PPP1R7: variants seen among roughly 807,000 people sequenced by gnomAD.
The protein encoded by PPP1R7 is protein phosphatase 1 regulatory subunit 22.
In PPP1R7, 18 loss-of-function variants were observed where a neutral mutation model predicts 45.2. The ratio of observed to expected loss-of-function variants is 0.40; its 90% CI spans 0.28 to 0.59. The LOEUF (loss-of-function observed/expected upper bound fraction) is 0.59. PPP1R7 is among the 20% of genes least tolerant of loss of function. The pLI is 0.46. For missense variants in PPP1R7, 314 were observed against 455.8 expected (o/e 0.69, Z 2.83); for synonymous variants, 181 against 183.4 (o/e 0.99, Z 0.11).
rs1349171830 is a variant in PPP1R7 at position 241,163,387 on chromosome 2, G to A, written c.700G>A (p.Val234Ile). ...CCTGGATGCGCTCACCAACCTGACA[G>A]TCCTCAGTATGCAGGTACGGAGCTT... ...QNLDALTNLT[V>I]LSMQSNRLTK... Residue 234 changes from valine (V) to isoleucine (I), a missense_variant, in exon 7 of 10, where the codon GTC becomes ATC. This residue lies in a region of PPP1R7 where 168 missense variants were observed against 285.3 expected (regional missense o/e 0.59). Coordinates refer to ENST00000234038, the MANE Select transcript of PPP1R7 (RefSeq NM_002712.3). 5 of 1,611,546 alleles carry A rather than the reference G, an allele frequency of 3.1e-6. No individual in the cohort carries two copies. In the African/African-American group the frequency reaches 6.7e-5, roughly 22 times the overall value.
Position 241,182,997 on chromosome 2 carries a change from C to A in PPP1R7, c.*174C>A. The A allele has an allele frequency of 1.5e-6, 1 of 671,580 alleles. No individual in the cohort carries two copies. Among genetic ancestry groups the A allele is most frequent in the Non-Finnish European group, 2.5e-6 (1 of 403,692 alleles). The allele number at this position is 671,580 out of a possible 1,614,324, so 41.6% of individuals were successfully genotyped here. On this transcript the variant is annotated 3_prime_UTR_variant, in exon 10 of 10. Transcript: ENST00000234038. ...GACGTCACACACCATTTTCAGATGCCGTTGCAATTAAATCTTGCCACACTG... is the reference window on the plus strand; with the variant it reads ...GACGTCACACACCATTTTCAGATGCAGTTGCAATTAAATCTTGCCACACTG...
chr2:241,174,449 T>C (rs2067874130), intron 9 of PPP1R7, among the ~76,000 whole-genome samples: 1 of 152,112 alleles, frequency 6.6e-6, no homozygotes, highest in Admixed American at 6.6e-5. Context: ...CACTCCTATC[T>C]ATACATTCCA....
chr2:241,183,494 C>T lies in PPP1R7; in HGVS notation c.*671C>T, dbSNP rs1170828195. 1 of 470,522 alleles carries T rather than the reference C, an allele frequency of 2.1e-6. No homozygotes were observed. The highest frequency in any genetic ancestry group is 4.4e-6 in the Non-Finnish European group (1 of 226,920). The allele number at this position is 470,522 out of a possible 1,614,324, so 29.1% of individuals were successfully genotyped here. A position where few individuals can be genotyped will look rare whatever the true frequency, so the allele number is the denominator to read the frequency against. On this transcript the variant is annotated 3_prime_UTR_variant, in exon 10 of 10. Coordinates refer to ENST00000234038, the MANE Select transcript of PPP1R7 (RefSeq NM_002712.3). ...CAGGTGTGGGGAGGGTGTCCTGTGTCCCACACGGTGCTGTGCTGCTGCCAG... is the reference window on the plus strand; with the variant it reads ...CAGGTGTGGGGAGGGTGTCCTGTGTTCCACACGGTGCTGTGCTGCTGCCAG...
chr2:241,150,301 C>G, upstream of PPP1R7: 3 of 1,321,758 alleles, frequency 2.3e-6, no homozygotes, highest in Non-Finnish European at 2.9e-6. Flanking sequence ...CCTGAAATTA[C>G]CTGCTCTGGG....
At chr2:241,149,891 C>G, upstream of PPP1R7, 1 of 1,440,906 alleles carries the variant, frequency 6.9e-7, no homozygotes, top group Non-Finnish European at 9.1e-7. Context: ...GGCTAGCGGC[C>G]CCACCAGCGC....
At chr2:241,149,778 T>A (rs1412145753), upstream of PPP1R7, 4 of 1,536,122 alleles carry the variant, frequency 2.6e-6, no homozygotes, top group Admixed American at 5.9e-5. Flanking sequence ...GGCTCGTTCA[T>A]GGGCCGGGTG....
intron 1 of PPP1R7, among the ~76,000 whole-genome samples, chr2:241,152,021 A>C (rs1206133219): frequency 6.6e-6 from 1 of 150,836 alleles, no homozygotes; most frequent in East Asian, 1.9e-4. Context: ...ACCTCACACC[A>C]CTCCTCCTCT....
At chr2:241,160,550 G>A (rs2067562929) in intron 6 of PPP1R7, 56 bp downstream of exon 6, 1 of 1,466,188 alleles carries the variant, frequency 6.8e-7, no homozygotes, top group Non-Finnish European at 9.2e-7. Context: ...AGCGGGCTGT[G>A]TGTGGACTCA....
At chr2:241,156,279 A>T (rs2067455516) in intron 2 of PPP1R7, among the ~76,000 whole-genome samples, 1 of 152,370 alleles carries the variant, frequency 6.6e-6, no homozygotes, top group East Asian at 1.9e-4. Flanking sequence ...AGAACATCCT[A>T]TGCATATAAT....
upstream of PPP1R7, chr2:241,149,645 T>C (rs1575368637): frequency 1.9e-6 from 3 of 1,540,684 alleles, no homozygotes; most frequent in East Asian, 7.3e-5. Flanking sequence ...GCCAAAGGAA[T>C]AATGGGCGCC....
At chr2:241,156,355 G>A (rs1337529633) in intron 2 of PPP1R7, among the ~76,000 whole-genome samples, 7 of 152,242 alleles carry the variant, frequency 4.6e-5, no homozygotes, top group Non-Finnish European at 2.9e-5. Flanking sequence ...ACAGAAAACT[G>A]CAAGGGGAAA....
chr2:241,172,643 CAA>C (rs1364917767), intron 9 of PPP1R7, among the ~76,000 whole-genome samples: 22 of 96,506 alleles, frequency 2.3e-4, no homozygotes, highest in Admixed American at 5.3e-4. Context: ...AACTCCGTCT[CAA>C]AAAAAAAAAA....
chr2:241,174,709 C>T (rs139698190), intron 9 of PPP1R7, among the ~76,000 whole-genome samples: 2,664 of 149,920 alleles, frequency 0.018, 93 homozygotes, highest in African/African-American at 0.061. Context: ...GAGTCTTGCT[C>T]TGTCGCCCAG....
intron 3 of PPP1R7, 136 bp from the exon 4 acceptor site, chr2:241,158,348 A>T: frequency 1.3e-6 from 1 of 748,020 alleles, no homozygotes; most frequent in Non-Finnish European, 2.4e-6. Context: ...ACACCTTGTC[A>T]CTGACATCTG....
At chr2:241,180,293 G>C (rs1036880128) in intron 9 of PPP1R7, among the ~76,000 whole-genome samples, 1 of 151,174 alleles carries the variant, frequency 6.6e-6, no homozygotes, top group African/African-American at 2.4e-5. Context: ...GGTTAAGGCA[G>C]TGGTGTTCAG....
intron 7 of PPP1R7, among the ~76,000 whole-genome samples, chr2:241,164,520 A>C (rs1048812411): frequency 6.6e-6 from 1 of 152,266 alleles, no homozygotes; most frequent in African/African-American, 2.4e-5. Flanking sequence ...TGGTTAGTTG[A>C]TCCCTGATCC....
At chr2:241,161,476 C>T (rs559681463) in intron 6 of PPP1R7, among the ~76,000 whole-genome samples, 109 of 152,342 alleles carry the variant, frequency 7.2e-4, no homozygotes, top group Non-Finnish European at 8.7e-4. Context: ...ATACCGGGGG[C>T]TTTAGAAAAC....
At chr2:241,154,751 C>T (rs891758382) in intron 2 of PPP1R7, among the ~76,000 whole-genome samples, 3 of 152,112 alleles carry the variant, frequency 2.0e-5, no homozygotes, top group African/African-American at 7.2e-5. Flanking sequence ...GTACTTTTAC[C>T]TGCTAAAGAA....
intron 1 of PPP1R7, among the ~76,000 whole-genome samples, chr2:241,153,123 A>G (rs1028850366): frequency 6.6e-6 from 1 of 152,260 alleles, no homozygotes; most frequent in African/African-American, 2.4e-5. Flanking sequence ...CCCCAGCCCA[A>G]AAGTGAAAGG....
Sources: allele counts gnomAD v4.1 joint callset (sites outside exome capture counted in the v4.1 genomes callset), GRCh38; gene constraint gnomAD v4.1.1; regional missense constraint gnomAD v4.1.1; transcripts MANE v1.5; gene names NCBI Gene and HGNC (gene_info 2026-07-23, HGNC 2026-07-21).